Variants in SRP72 observed in about 807,000 individuals in gnomAD.
SRP72 encodes the protein signal recognition particle 72, also known as signal recognition particle subunit SRP72.
SRP72 carries 49 observed loss-of-function variants against 96.3 expected under a neutral mutation model. The observed-to-expected ratio is 0.51, with a 90% CI of 0.40 to 0.65. The LOEUF is 0.65. SRP72 is among the 30% of genes least tolerant of loss of function. The probability of loss-of-function intolerance (pLI) is 0.00; values close to 1 mark genes in which losing one functional copy is unlikely to be tolerated. For synonymous variants in SRP72, 267 were observed against 275.2 expected (o/e 0.97, Z 0.30); for missense variants, 736 against 793.3 (o/e 0.93, Z 0.87).
At chr4:56,474,964 C>T (rs772910670) in intron 5 of SRP72, among the ~76,000 whole-genome samples, 6 of 151,956 alleles carry the variant, frequency 3.9e-5, no homozygotes, top group South Asian at 2.1e-4. Flanking sequence ...GGATTACAGC[C>T]GTGAGCCACT....
Position 56,469,702 on chromosome 4 carries a change from A to G in SRP72, c.159A>G (p.Val53=). 2 of 1,612,992 alleles carry G rather than the reference A, an allele frequency of 1.2e-6. No individual in the cohort carries two copies. The highest frequency in any genetic ancestry group is 1.3e-5 in the African/African-American group (1 of 75,056). The change falls in exon 2 of 19, where the codon GTA becomes GTG. Residue 53 remains valine, a synonymous_variant. Coordinates refer to ENST00000642900, the MANE Select transcript of SRP72 (RefSeq NM_006947.4). The part of the protein sequence containing the change: ...DDVTALHCKV[V]CLIQNGSFKE... Reference sequence around the variant, plus strand: ...TAACTGCCCTGCATTGTAAAGTGGTATGCCTTATCCAGAATGGAAGTTTCA... The same window carrying G: ...TAACTGCCCTGCATTGTAAAGTGGTGTGCCTTATCCAGAATGGAAGTTTCA...
chr4:56,488,080 C>G (rs576292030), intron 12 of SRP72, 67 bp downstream of exon 12: 1 of 1,086,164 alleles, frequency 9.2e-7, no homozygotes, highest in Non-Finnish European at 1.4e-6. Flanking sequence ...AATGTGTATT[C>G]ACTTTATTTA....
At position 56,474,132 on chromosome 4, in the gene SRP72, G is replaced by A. The variant is rs1057524146; in HGVS notation, c.433G>A (p.Glu145Lys). The change falls in exon 4 of 19, where the codon GAG becomes AAG. Residue 145 changes from glutamate (E) to lysine (K), a missense_variant. Glu to Lys is a moderately conservative substitution (Grantham distance 56, BLOSUM62 1). Transcript: ENST00000642900. ...LVRNSQDDYDEERKTNLSAVV... is the reference protein window; with the variant it reads ...LVRNSQDDYDKERKTNLSAVV... ...CCGAAACTCCCAAGATGATTATGAT[G>A]AGGAGAGGAAAACAAACCTTTCAGC... is the stretch of plus-strand genomic sequence containing the variant. The A allele has an allele frequency of 3.7e-6, 6 of 1,614,210 alleles. No homozygotes were observed. Among genetic ancestry groups the A allele is most frequent in the Non-Finnish European group, 5.1e-6 (6 of 1,180,034 alleles).
intron 9 of SRP72, among the ~76,000 whole-genome samples, chr4:56,483,653 A>C (rs377251968): frequency 6.6e-6 from 1 of 152,082 alleles, no homozygotes; most frequent in South Asian, 2.1e-4. Flanking sequence ...TGGGCAACAG[A>C]GAGAGACTGT....
chr4:56,473,724 C>T (rs1056755136), intron 3 of SRP72, among the ~76,000 whole-genome samples: 5 of 151,610 alleles, frequency 3.3e-5, no homozygotes, highest in African/African-American at 1.2e-4. Context: ...AAGATCGCGC[C>T]ATTGCTCTCC....
rs2110115943 is a variant in SRP72 at position 56,476,713 on chromosome 4, C to T, written c.642+11C>T. 6.2e-7 allele frequency: 1 copy of T among 1,611,890 alleles called. No individual in the cohort carries two copies. On this transcript the variant is annotated intron_variant, in intron 6 of 18. Transcript: ENST00000642900. ...TTATCAGAAGACACTGTAAGTATTC[C>T]ATCATTGTTAAACCTAAATTTTACA...
chr4:56,476,790 T>A (rs903701566), intron 6 of SRP72, 88 bp downstream of exon 6: 2 of 1,366,940 alleles, frequency 1.5e-6, no homozygotes, highest in Non-Finnish European at 2.0e-6. Flanking sequence ...TATTGACTTT[T>A]TTTAGAAGAT....
Position 56,491,649 on chromosome 4 carries a change from C to T in SRP72, c.1640+81C>T, listed in dbSNP as rs959723375. On this transcript the variant is annotated intron_variant, in intron 16 of 18. Coordinates refer to ENST00000642900, the MANE Select transcript of SRP72 (RefSeq NM_006947.4). The stretch of plus-strand genomic sequence containing the variant: ...AAAAAATACATTCTCATAGAAATTT[C>T]ATGTGAATAAAGTTCTAGTTCTCTT... 3.6e-6 allele frequency: 5 copies of T among 1,377,158 alleles called. No homozygotes were observed. The African/African-American group carries it at 4.3e-5, about 12-fold the overall frequency. The allele number at this position is 1,377,158 out of a possible 1,614,324, so 85.3% of individuals were successfully genotyped here.
rs1721341863 is a variant in SRP72, at chr4:56,503,629, A to G, written c.*1768A>G. 1 of 152,228 alleles carries G rather than the reference A, an allele frequency of 6.6e-6. No homozygotes were observed. Among genetic ancestry groups the G allele is most frequent in the Admixed American group, 6.5e-5 (1 of 15,286 alleles). The allele number at this position is 152,228 out of a possible 1,614,324, so 9.4% of individuals were successfully genotyped here. ...CATTTATAAGAACCAGTATGGATAC[A>G]TCCATTCACTGTGGTACATTTTAAA... On this transcript the variant is annotated 3_prime_UTR_variant, in exon 19 of 19. Coordinates refer to ENST00000642900, the MANE Select transcript of SRP72 (RefSeq NM_006947.4).
At chr4:56,486,994 A>G (rs557416022) in intron 11 of SRP72, among the ~76,000 whole-genome samples, 1 of 152,334 alleles carries the variant, frequency 6.6e-6, no homozygotes, top group South Asian at 2.1e-4. Flanking sequence ...AATTAGTTAA[A>G]TGAAATTTTA....
rs572275305 is a variant in SRP72 at position 56,484,715 on chromosome 4, TG to T, written c.958-16del. 8.6e-3 allele frequency: 13,875 copies of T among 1,611,798 alleles called. 97 individuals carry two copies. The highest frequency in any genetic ancestry group is 9.6e-3 in the Non-Finnish European group (11,382 of 1,179,522). On this transcript the variant is annotated intron_variant, in intron 9 of 18. Transcript: ENST00000642900. ...TTCATTAACCAGTTTATTTTTCTTGTGGGGGTTGGATATCTTCTAGGCTGAA... is the reference window on the plus strand; with the variant it reads ...TTCATTAACCAGTTTATTTTTCTTGTGGGGTTGGATATCTTCTAGGCTGAA...
At chr4:56,483,920 C>T (rs1456364885) in intron 9 of SRP72, among the ~76,000 whole-genome samples, 1 of 150,720 alleles carries the variant, frequency 6.6e-6, no homozygotes, top group Non-Finnish European at 1.5e-5. Flanking sequence ...ATAATCACAT[C>T]AAGTTATAAA....
intron 17 of SRP72, among the ~76,000 whole-genome samples, chr4:56,497,143 T>C (rs1324247882): frequency 6.6e-6 from 1 of 152,080 alleles, no homozygotes; most frequent in Non-Finnish European, 1.5e-5. Context: ...TCTTCTACTT[T>C]AGACTGAATT....
intron 17 of SRP72, among the ~76,000 whole-genome samples, chr4:56,500,185 AGGGGAATATCACACACCAGGCCTGTC>A (rs1721212676): frequency 1.3e-5 from 2 of 152,080 alleles, no homozygotes; most frequent in African/African-American, 4.8e-5. Context: ...GGACACAGGG[AGGGGAATATCACACACCAGGCCTGTC>A]GGGGGGCGGT....
chr4:56,503,421 A>C lies in SRP72; in HGVS notation c.*1560A>C, dbSNP rs1015031093. The C allele has an allele frequency of 6.6e-6, 1 of 152,230 alleles. No homozygotes were observed. The highest frequency in any genetic ancestry group is 1.5e-5 in the Non-Finnish European group (1 of 68,040). The allele number at this position is 152,230 out of a possible 1,614,324, so 9.4% of individuals were successfully genotyped here. ...ATTTATAGTTCTCAATTTAGTTGTCATTATTGACAGGCATTGGTATTATTA... is the reference window on the plus strand; with the variant it reads ...ATTTATAGTTCTCAATTTAGTTGTCCTTATTGACAGGCATTGGTATTATTA... On this transcript the variant is annotated 3_prime_UTR_variant, in exon 19 of 19. Transcript: ENST00000642900.
At chr4:56,485,088 T>C (rs1023714245) in intron 10 of SRP72, among the ~76,000 whole-genome samples, 8 of 152,178 alleles carry the variant, frequency 5.3e-5, no homozygotes, top group African/African-American at 1.9e-4. Context: ...TTATAAATGC[T>C]GAAGAATGCT....
chr4:56,473,969 T>C, intron 3 of SRP72, 85 bp from the exon 4 acceptor site: 2 of 1,369,508 alleles, frequency 1.5e-6, no homozygotes, highest in Non-Finnish European at 2.0e-6. Context: ...GATTCCTACT[T>C]AGTGGTTCCA....
intron 18 of SRP72, among the ~76,000 whole-genome samples, chr4:56,501,442 A>T (rs1041697841): frequency 3.9e-5 from 6 of 151,980 alleles, no homozygotes; most frequent in South Asian, 2.1e-4. Flanking sequence ...AAAAAATAAA[A>T]TTTTTTATTT....
rs1303385343 is a variant in SRP72 at position 56,474,064 on chromosome 4, T to G, written c.365T>G (p.Leu122Trp). 1 of 1,613,652 alleles carries G rather than the reference T, an allele frequency of 6.2e-7. No homozygotes were observed. ...KELYGQVLYRLERYDECLAVY... is the reference protein window; with the variant it reads ...KELYGQVLYRWERYDECLAVY... ...CTATTTATTATTCAGTTATACCGTT[T>G]GGAACGCTATGATGAATGCTTAGCA... The change falls in exon 4 of 19, where the codon TTG (leucine) becomes TGG (tryptophan). Residue 122 changes from leucine (L) to tryptophan (W), a missense_variant. Transcript: ENST00000642900.
Sources: allele counts gnomAD v4.1 joint callset (sites outside exome capture counted in the v4.1 genomes callset), GRCh38; gene constraint gnomAD v4.1.1; transcripts MANE v1.5; gene names NCBI Gene and HGNC (gene_info 2026-07-23, HGNC 2026-07-21).